The following KCNH5 variants were observed in gnomAD, a reference collection of about 807,000 sequenced individuals.
The protein encoded by KCNH5 is voltage-gated delayed rectifier potassium channel KCNH5.
KCNH5 carries 46 observed loss-of-function variants against 96.1 expected under a neutral mutation model. The ratio of observed to expected loss-of-function variants is 0.48; its 90% CI spans 0.38 to 0.61. KCNH5 has a LOEUF of 0.61. Among genes scored for constraint, KCNH5 ranks in the 20% least tolerant of loss-of-function variants. The pLI is 0.00. For synonymous variants in KCNH5, 439 were observed against 449.8 expected (o/e 0.98, Z 0.30); for missense variants, 907 against 1,225.8 (o/e 0.74, Z 3.88).
intron 10 of KCNH5, among the ~76,000 whole-genome samples, chr14:62,771,884 A>G (rs1885995258): frequency 6.6e-6 from 1 of 152,214 alleles, no homozygotes; most frequent in Non-Finnish European, 1.5e-5. Context: ...TTCTCTGGCC[A>G]TGATCACTCA....
At chr14:62,959,260 G>T (rs979564229) in intron 6 of KCNH5, among the ~76,000 whole-genome samples, 6 of 151,932 alleles carry the variant, frequency 3.9e-5, no homozygotes, top group African/African-American at 1.4e-4. Flanking sequence ...TCTTTTAACA[G>T]CAAACTCCTG....
chr14:63,003,491 A>C (rs1393639827), intron 3 of KCNH5, among the ~76,000 whole-genome samples: 1 of 125,476 alleles, frequency 8.0e-6, no homozygotes, highest in East Asian at 2.1e-4. Flanking sequence ...TTTTATATAT[A>C]TTATATATAT....
intron 7 of KCNH5, among the ~76,000 whole-genome samples, chr14:62,864,201 A>G (rs1415382145): frequency 6.6e-6 from 1 of 152,188 alleles, no homozygotes; most frequent in Non-Finnish European, 1.5e-5. Context: ...GTGTATAAAG[A>G]CTTTTCTGTA....
At chr14:62,854,748 A>C (rs1431456721) in intron 7 of KCNH5, among the ~76,000 whole-genome samples, 3 of 151,848 alleles carry the variant, frequency 2.0e-5, no homozygotes, top group African/African-American at 7.2e-5. Flanking sequence ...AATCATACTT[A>C]AGGTCTTAGT....
intron 7 of KCNH5, among the ~76,000 whole-genome samples, chr14:62,907,009 T>C (rs1476456070): frequency 1.3e-5 from 2 of 152,218 alleles, no homozygotes; most frequent in African/African-American, 4.8e-5. Flanking sequence ...TCAGCTTGCA[T>C]TTTCAACCCT....
intron 7 of KCNH5, among the ~76,000 whole-genome samples, chr14:62,924,417 C>A (rs1889434573): frequency 6.6e-6 from 1 of 151,818 alleles, no homozygotes; most frequent in Admixed American, 6.6e-5. Flanking sequence ...ATGGAGGTTC[C>A]TCAAAAAATT....
intron 7 of KCNH5, among the ~76,000 whole-genome samples, chr14:62,903,577 G>T (rs188067646): frequency 2.0e-5 from 3 of 152,130 alleles, no homozygotes; most frequent in Non-Finnish European, 4.4e-5. Context: ...TTCAGTTGTC[G>T]CATTCTCTTA....
intron 1 of KCNH5, among the ~76,000 whole-genome samples, chr14:63,017,287 T>G (rs1004328232): frequency 6.6e-6 from 1 of 151,896 alleles, no homozygotes; most frequent in African/African-American, 2.4e-5. Context: ...ACCTAAAAAT[T>G]GGTTAATTTA....
chr14:62,875,366 A>C (rs1001799721), intron 7 of KCNH5, among the ~76,000 whole-genome samples: 2 of 152,168 alleles, frequency 1.3e-5, no homozygotes, highest in African/African-American at 2.4e-5. Context: ...GGAACCAAAA[A>C]AGAGCCCGCA....
At chr14:63,044,161 C>T (rs1437298151) in intron 1 of KCNH5, among the ~76,000 whole-genome samples, 1 of 152,096 alleles carries the variant, frequency 6.6e-6, no homozygotes, top group South Asian at 2.1e-4. Flanking sequence ...GAAGGAAAAA[C>T]TTAAAAAGAT....
chr14:62,829,201 T>G (rs1887290044), intron 8 of KCNH5, among the ~76,000 whole-genome samples: 1 of 152,154 alleles, frequency 6.6e-6, no homozygotes, highest in South Asian at 2.1e-4. Flanking sequence ...GGGCTGGTGT[T>G]GAGTGCCTGT....
At chr14:62,841,524 G>T (rs967011930) in intron 8 of KCNH5, among the ~76,000 whole-genome samples, 3 of 151,972 alleles carry the variant, frequency 2.0e-5, no homozygotes, top group Non-Finnish European at 2.9e-5. Flanking sequence ...TGTACAATGT[G>T]TATATATATA....
At chr14:62,982,346 G>A (rs1030860212) in intron 5 of KCNH5, among the ~76,000 whole-genome samples, 1 of 152,092 alleles carries the variant, frequency 6.6e-6, no homozygotes, top group African/African-American at 2.4e-5. Context: ...AAAGACAGTT[G>A]AAGGGATAAA....
chr14:63,016,303 A>T (rs1269593824), intron 2 of KCNH5, among the ~76,000 whole-genome samples: 3 of 152,038 alleles, frequency 2.0e-5, no homozygotes, highest in African/African-American at 7.2e-5. Flanking sequence ...TGTTTAAAGA[A>T]CCATTATAAT....
chr14:62,936,234 TG>T (rs1283814093), intron 7 of KCNH5, among the ~76,000 whole-genome samples: 1 of 152,154 alleles, frequency 6.6e-6, no homozygotes, highest in Non-Finnish European at 1.5e-5. Context: ...GAAGAATTGC[TG>T]GGTAATAAGG....
At chr14:62,918,724 T>C (rs1889323353) in intron 7 of KCNH5, among the ~76,000 whole-genome samples, 3 of 152,028 alleles carry the variant, frequency 2.0e-5, no homozygotes, top group Non-Finnish European at 1.5e-5. Context: ...AAATCACCAT[T>C]TGCAAGGAAT....
At chr14:62,818,109 C>CA (rs1301139315) in intron 8 of KCNH5, among the ~76,000 whole-genome samples, 1 of 36,120 alleles carries the variant, frequency 2.8e-5, no homozygotes, top group South Asian at 1.7e-3. Context: ...GAGCTGGGGG[C>CA]GGGGGGGGGG....
At chr14:62,784,275 C>T (rs1266290413) in intron 9 of KCNH5, among the ~76,000 whole-genome samples, 1 of 152,124 alleles carries the variant, frequency 6.6e-6, no homozygotes, top group Non-Finnish European at 1.5e-5. Context: ...GAAACTGCTC[C>T]CATTATTCAA....
chr14:62,722,872 C>T (rs546059276), intron 10 of KCNH5, among the ~76,000 whole-genome samples: 1 of 152,274 alleles, frequency 6.6e-6, no homozygotes, highest in Non-Finnish European at 1.5e-5. Flanking sequence ...AGTAAACAGC[C>T]GAGCTCTGAC....
Sources: allele counts gnomAD v4.1 joint callset (sites outside exome capture counted in the v4.1 genomes callset), GRCh38; gene constraint gnomAD v4.1.1; transcripts MANE v1.5; gene names NCBI Gene and HGNC (gene_info 2026-07-23, HGNC 2026-07-21).